SLC9A9: variants seen among roughly 807,000 people sequenced by gnomAD.
The protein encoded by SLC9A9 is solute carrier family 9 member A9.
SLC9A9 carries 62 observed loss-of-function variants against 77.8 expected under a neutral mutation model. That is an observed-to-expected ratio of 0.80 (90% CI 0.65 to 0.98). The LOEUF is 0.98. Among genes scored for constraint, SLC9A9 ranks in the 50% least tolerant of loss-of-function variants. SLC9A9 has a pLI of 0.00. For synonymous variants in SLC9A9, 320 were observed against 283.5 expected (o/e 1.13, Z -1.29); for missense variants, 775 against 774.9 (o/e 1.00, Z 0.00).
intron 11 of SLC9A9, among the ~76,000 whole-genome samples, chr3:143,488,477 A>C (rs1288680958): frequency 6.6e-6 from 1 of 151,998 alleles, no homozygotes; most frequent in Non-Finnish European, 1.5e-5. Flanking sequence ...ATTCCTTATG[A>C]ACATAAATGC....
At chr3:143,652,179 T>C in intron 6 of SLC9A9, 76 bp downstream of exon 6, 2 of 1,202,802 alleles carry the variant, frequency 1.7e-6, no homozygotes, top group South Asian at 1.3e-5. Flanking sequence ...CGTATCTCTG[T>C]GACATAAGAG....
intron 5 of SLC9A9, among the ~76,000 whole-genome samples, chr3:143,655,328 G>T (rs1489224744): frequency 1.3e-5 from 2 of 152,132 alleles, no homozygotes; most frequent in Non-Finnish European, 2.9e-5. Context: ...AGATAACCTA[G>T]GTCCAAGGCA....
chr3:143,566,231 C>T (rs1451311103), intron 8 of SLC9A9, among the ~76,000 whole-genome samples: 3 of 152,146 alleles, frequency 2.0e-5, no homozygotes, highest in Non-Finnish European at 4.4e-5. Flanking sequence ...CAAGAACTGA[C>T]TTGACAAATA....
intron 4 of SLC9A9, among the ~76,000 whole-genome samples, chr3:143,751,736 A>C (rs1443750927): frequency 6.6e-6 from 1 of 152,226 alleles, no homozygotes; most frequent in Non-Finnish European, 1.5e-5. Flanking sequence ...ACAGGAAGTA[A>C]ATAGTATGAC....
intron 12 of SLC9A9, among the ~76,000 whole-genome samples, chr3:143,444,028 C>T (rs964279114): frequency 2.0e-5 from 3 of 152,178 alleles, no homozygotes; most frequent in South Asian, 2.1e-4. Flanking sequence ...CACTCCCCCA[C>T]GGCCACACCC....
rs951536569 is a variant in SLC9A9 at position 143,556,768 on chromosome 3, C to T, written c.1001-4318G>A. ...TCGTTTTCTTTTTTTCTGAGTCAAT[C>T]CTCGTTGATATTCTCTTGTGGTTAT... On this transcript the variant is annotated intron_variant, in intron 8 of 15. Transcript: ENST00000316549. Among the ~76,000 whole-genome samples, 3 of 152,164 alleles carry T rather than the reference C, an allele frequency of 2.0e-5. No individual in the cohort carries two copies. In the East Asian group the frequency reaches 5.8e-4, roughly 29 times the overall value.
intron 14 of SLC9A9, among the ~76,000 whole-genome samples, chr3:143,318,762 A>C (rs2031313153): frequency 6.6e-6 from 1 of 152,152 alleles, no homozygotes; most frequent in Non-Finnish European, 1.5e-5. Flanking sequence ...CCCTGTCTAC[A>C]CAAATGTAGA....
chr3:143,683,802 T>C (rs1300174907), intron 5 of SLC9A9, among the ~76,000 whole-genome samples: 1 of 152,096 alleles, frequency 6.6e-6, no homozygotes, highest in Admixed American at 6.6e-5. Flanking sequence ...TATATTACAC[T>C]CCCAACTTTA....
intron 6 of SLC9A9, among the ~76,000 whole-genome samples, chr3:143,624,847 T>C (rs909061563): frequency 1.3e-5 from 2 of 152,194 alleles, no homozygotes; most frequent in African/African-American, 4.8e-5. Context: ...GATGACATGA[T>C]TGTATATCTA....
At chr3:143,389,233 T>C (rs1246861268) in intron 12 of SLC9A9, among the ~76,000 whole-genome samples, 4 of 152,080 alleles carry the variant, frequency 2.6e-5, no homozygotes, top group African/African-American at 7.2e-5. Context: ...ATTAAGAAAC[T>C]GGTGGTTGTC....
chr3:143,477,833 A>G (rs1372986942), intron 11 of SLC9A9, among the ~76,000 whole-genome samples: 2 of 152,196 alleles, frequency 1.3e-5, no homozygotes, highest in African/African-American at 4.8e-5. Flanking sequence ...CTCACCTGTG[A>G]CAAAGCACAA....
chr3:143,522,299 A>G (rs1286948527), intron 9 of SLC9A9, among the ~76,000 whole-genome samples: 1 of 152,194 alleles, frequency 6.6e-6, no homozygotes, highest in Non-Finnish European at 1.5e-5. Flanking sequence ...AAAAGAGTTT[A>G]AAACCATTAT....
chr3:143,650,728 T>C (rs185210761), intron 6 of SLC9A9, among the ~76,000 whole-genome samples: 5 of 152,294 alleles, frequency 3.3e-5, no homozygotes, highest in African/African-American at 4.8e-5. Context: ...AAGGAAGAGC[T>C]CTTGCCATGG....
chr3:143,314,518 T>G, intron 14 of SLC9A9: 1 of 152,364 alleles, frequency 6.6e-6, no homozygotes, highest in East Asian at 1.9e-4. Context: ...TAAAATTGAT[T>G]AGCAAGTATC....
chr3:143,623,930 G>T (rs1292496523), intron 6 of SLC9A9, among the ~76,000 whole-genome samples: 3 of 151,958 alleles, frequency 2.0e-5, no homozygotes, highest in African/African-American at 7.3e-5. Context: ...TGATAAAGGG[G>T]ATACCACCAC....
intron 14 of SLC9A9, among the ~76,000 whole-genome samples, chr3:143,362,078 C>G (rs1351324051): frequency 6.6e-6 from 1 of 152,084 alleles, no homozygotes; most frequent in Non-Finnish European, 1.5e-5. Context: ...AGAGATCAAC[C>G]AGGAGCAAAA....
At chr3:143,368,344 C>G (rs1406566906) in intron 13 of SLC9A9, among the ~76,000 whole-genome samples, 1 of 152,150 alleles carries the variant, frequency 6.6e-6, no homozygotes, top group Non-Finnish European at 1.5e-5. Flanking sequence ...CTGTGAAAAA[C>G]AGACACCAAA....
Position 143,517,381 on chromosome 3 carries a change from A to G in SLC9A9, c.1090-21933T>C, listed in dbSNP as rs2036220289. The G allele has an allele frequency of 3.7e-5, 54 of 1,455,518 alleles. 1 individual carries two copies. The South Asian group carries it at 6.0e-4, about 16-fold the overall frequency. The allele number at this position is 1,455,518 out of a possible 1,614,324, so 90.2% of individuals were successfully genotyped here. On this transcript the variant is annotated intron_variant, in intron 9 of 15. Transcript: ENST00000316549. ...TACCAGGCATTCTCCCAGGAAAGCC[A>G]CCTGGAAAAGAGCCATACTGTGCTC...
At chr3:143,595,510 G>A (rs2037738268) in intron 6 of SLC9A9, among the ~76,000 whole-genome samples, 1 of 152,068 alleles carries the variant, frequency 6.6e-6, no homozygotes, top group Non-Finnish European at 1.5e-5. Flanking sequence ...CTTCAATCTT[G>A]CTTAATTTAG....
Sources: allele counts gnomAD v4.1 joint callset (sites outside exome capture counted in the v4.1 genomes callset), GRCh38; gene constraint gnomAD v4.1.1; transcripts MANE v1.5; gene names NCBI Gene and HGNC (gene_info 2026-07-23, HGNC 2026-07-21).